ATXN7: variants seen among roughly 807,000 people sequenced by gnomAD.
The protein encoded by ATXN7 is ataxin 7, also known as ataxin-7.
ATXN7 carries 12 observed loss-of-function variants against 70.5 expected under a neutral mutation model. The ratio of observed to expected loss-of-function variants is 0.17; its 90% CI spans 0.11 to 0.28. The LOEUF (loss-of-function observed/expected upper bound fraction) is 0.28. Ranked by LOEUF, ATXN7 falls within the 10% of genes least tolerant of loss-of-function variation. ATXN7 has a pLI of 1.00. For missense variants in ATXN7, 1,256 were observed against 1,131.7 expected (o/e 1.11, Z -1.58); for synonymous variants, 498 against 448.7 (o/e 1.11, Z -1.39).
In ATXN7 at chr3:63,988,259, GATTCCT is replaced by G. The variant is rs745543107; in HGVS notation, c.1297_1302del (p.Ile433_Pro434del). On this transcript the variant is annotated inframe_deletion, in exon 9 of 13. Transcript: ENST00000674280. ...AGCCGCACCAAAACCCTCACGGAGT[GATTCCT>G]TCCGAATCAAAGCCTTTTGTAGCTA... The G allele has an allele frequency of 2.2e-5, 35 of 1,613,882 alleles. No homozygotes were observed. The highest frequency in any genetic ancestry group is 3.0e-5 in the Non-Finnish European group (35 of 1,180,030).
intron 1 of ATXN7, among the ~76,000 whole-genome samples, chr3:63,881,670 A>G (rs938773725): frequency 3.3e-5 from 5 of 151,920 alleles, no homozygotes; most frequent in Non-Finnish European, 5.9e-5. Context: ...TTGTATTTTT[A>G]GTAGAGACAG....
At chr3:63,994,426 G>A (rs1462583817) in intron 11 of ATXN7, among the ~76,000 whole-genome samples, 1 of 152,050 alleles carries the variant, frequency 6.6e-6, no homozygotes, top group African/African-American at 2.4e-5. Flanking sequence ...GTAGAGATGG[G>A]GTTTCACCAT....
chr3:63,941,832 A>G (rs185015326), intron 4 of ATXN7, among the ~76,000 whole-genome samples: 140 of 152,096 alleles, frequency 9.2e-4, no homozygotes, highest in Non-Finnish European at 1.2e-3. Flanking sequence ...ATAAAATTCT[A>G]CCTTTTTCCT....
intron 12 of ATXN7, chr3:63,998,013 C>A: frequency 1.0e-6 from 1 of 985,320 alleles, no homozygotes; most frequent in African/African-American, 1.7e-5. Context: ...CATAACAGTC[C>A]AATATAAACA....
chr3:63,924,628 A>G (rs964336722), intron 4 of ATXN7, among the ~76,000 whole-genome samples: 2 of 152,150 alleles, frequency 1.3e-5, no homozygotes, highest in Non-Finnish European at 2.9e-5. Flanking sequence ...TCTCTGTTAT[A>G]TGCTGCTGTG....
upstream of ATXN7, chr3:63,863,366 C>T: frequency 1.1e-6 from 1 of 870,776 alleles, no homozygotes; most frequent in Non-Finnish European, 1.4e-6. Context: ...CCACTGTCCA[C>T]CCTTCGCGGC....
intron 5 of ATXN7, among the ~76,000 whole-genome samples, chr3:63,953,406 A>G (rs1028366239): frequency 6.6e-6 from 1 of 152,174 alleles, no homozygotes; most frequent in Non-Finnish European, 1.5e-5. Flanking sequence ...GAAGGGAGGT[A>G]GAAACTGGAG....
chr3:63,998,014 A>G, intron 12 of ATXN7: 1 of 985,404 alleles, frequency 1.0e-6, no homozygotes, highest in South Asian at 4.7e-5. Context: ...ATAACAGTCC[A>G]ATATAAACAC....
At position 64,000,745 on chromosome 3, in the gene ATXN7, A is replaced by C. The variant is rs1440275547; in HGVS notation, c.*1278A>C. The stretch of plus-strand genomic sequence containing the variant: ...ACACACACCCTCCTTTCTTGGGATT[A>C]TACCAGCCATCTTCCTGAGAGTTTT... On this transcript the variant is annotated 3_prime_UTR_variant, in exon 13 of 13. Transcript: ENST00000674280. The C allele has an allele frequency of 6.6e-6, 1 of 151,680 alleles. No homozygotes were observed. The highest frequency in any genetic ancestry group is 1.5e-5 in the Non-Finnish European group (1 of 67,936). The allele number at this position is 151,680 out of a possible 1,614,324, so 9.4% of individuals were successfully genotyped here.
chr3:63,873,674 G>T (rs1206292692), intron 1 of ATXN7: 1 of 152,118 alleles, frequency 6.6e-6, no homozygotes, highest in Non-Finnish European at 1.5e-5. Context: ...TGGTTCACCC[G>T]TCTCCTTCCC....
At chr3:63,941,919 G>A (rs138601894) in intron 4 of ATXN7, among the ~76,000 whole-genome samples, 1 of 152,162 alleles carries the variant, frequency 6.6e-6, no homozygotes, top group East Asian at 1.9e-4. Context: ...TTTGATTACC[G>A]ACTATTGAGA....
chr3:63,980,803 T>A (rs1175670212), intron 6 of ATXN7: 1 of 152,794 alleles, frequency 6.5e-6, no homozygotes, highest in Non-Finnish European at 1.5e-5. Context: ...TGCTGTAGAA[T>A]TTTTGGGGGT....
At chr3:63,896,361 G>T (rs1181865587) in intron 1 of ATXN7, among the ~76,000 whole-genome samples, 3 of 151,100 alleles carry the variant, frequency 2.0e-5, no homozygotes, top group Non-Finnish European at 3.0e-5. Context: ...CAAGTTTAAT[G>T]ATTCTAAGAA....
chr3:63,884,176 G>C (rs1703000356), intron 1 of ATXN7, among the ~76,000 whole-genome samples: 1 of 150,430 alleles, frequency 6.6e-6, no homozygotes, highest in South Asian at 2.1e-4. Flanking sequence ...GTATCTTCTA[G>C]CTCCAGAAAG....
chr3:63,950,773 A>G (rs933716947), intron 4 of ATXN7, among the ~76,000 whole-genome samples: 2 of 152,120 alleles, frequency 1.3e-5, no homozygotes, highest in Admixed American at 6.5e-5. Flanking sequence ...GGAAAATAGC[A>G]TATTGTTTGG....
At chr3:63,879,841 T>C (rs931552643) in intron 1 of ATXN7, among the ~76,000 whole-genome samples, 1 of 151,992 alleles carries the variant, frequency 6.6e-6, no homozygotes, top group Non-Finnish European at 1.5e-5. Flanking sequence ...CCTAGCACTT[T>C]GGGAGGCCGA....
chr3:63,988,238 G>T lies in ATXN7; in HGVS notation c.1275G>T (p.Pro425=), dbSNP rs557174939. 22 of 1,613,852 alleles carry T rather than the reference G, an allele frequency of 1.4e-5. No homozygotes were observed. The Admixed American group carries it at 3.2e-4, about 23-fold the overall frequency. ...CCCCTCCTAGAACGTCACAGGAGCC[G>T]CACCAAAACCCTCACGGAGTGATTC... ...HPAPPRTSQE[P]HQNPHGVIPS... The change falls in exon 9 of 13, where the codon CCG becomes CCT. Residue 425 remains proline (P), a synonymous_variant. Coordinates refer to ENST00000674280, the MANE Select transcript of ATXN7 (RefSeq NM_001377405.1).
intron 1 of ATXN7, among the ~76,000 whole-genome samples, chr3:63,880,127 AG>A (rs1175234090): frequency 6.6e-6 from 1 of 152,072 alleles, no homozygotes; most frequent in Admixed American, 6.6e-5. Flanking sequence ...ATCAAAAGAG[AG>A]TCTGTTTTAG....
chr3:63,944,587 A>T (rs2074825624), intron 4 of ATXN7, among the ~76,000 whole-genome samples: 1 of 152,132 alleles, frequency 6.6e-6, no homozygotes, highest in Non-Finnish European at 1.5e-5. Flanking sequence ...CTTAGAAGTT[A>T]TTTCTGGAAT....
Sources: gnomAD v4.1 joint callset for allele counts (sites outside exome capture counted in the v4.1 genomes callset) on GRCh38, gnomAD v4.1.1 for gene constraint, MANE v1.5 for transcripts, NCBI Gene and HGNC (gene_info 2026-07-23, HGNC 2026-07-21) for gene names.